The following EHMT1 variants were observed in gnomAD, a reference collection of about 807,000 sequenced individuals.
EHMT1 encodes the protein histone-lysine N-methyltransferase EHMT1.
Under a neutral mutation model 147.2 loss-of-function variants are expected in EHMT1, and 15 were observed. The ratio of observed to expected loss-of-function variants is 0.10; its 90% CI spans 0.07 to 0.16. The LOEUF is 0.16. Among genes scored for constraint, EHMT1 ranks in the 10% least tolerant of loss-of-function variants. The pLI is 1.00. For synonymous variants in EHMT1, 795 were observed against 709.6 expected (o/e 1.12, Z -1.91); for missense variants, 1,587 against 1,772.4 (o/e 0.90, Z 1.88).
chr9:137,819,667 T>G, intron 25 of EHMT1, among the ~76,000 whole-genome samples: 1 of 144,090 alleles, frequency 6.9e-6, no homozygotes, highest in Admixed American at 7.0e-5. Flanking sequence ...GGGGGCGCCG[T>G]GTGCCGAGAC....
intron 25 of EHMT1, among the ~76,000 whole-genome samples, chr9:137,822,267 T>C (rs1955477828): frequency 6.6e-6 from 1 of 152,266 alleles, no homozygotes; most frequent in South Asian, 2.1e-4. Flanking sequence ...CCTGCTGGTT[T>C]ATGCCTGCTT....
intron 1 of EHMT1, among the ~76,000 whole-genome samples, chr9:137,625,485 G>A (rs773036754): frequency 1.3e-5 from 2 of 151,880 alleles, no homozygotes; most frequent in African/African-American, 2.4e-5. Context: ...CTACAGGCAC[G>A]TGCTACCATG....
At chr9:137,745,952 T>G (rs1183223522) in intron 6 of EHMT1, 1 of 172,332 alleles carries the variant, frequency 5.8e-6, no homozygotes, top group Non-Finnish European at 1.2e-5. Context: ...CCACCAGTGT[T>G]TGTTCCTCTG....
chr9:137,682,907 G>A (rs557975174), intron 1 of EHMT1, among the ~76,000 whole-genome samples: 20 of 152,324 alleles, frequency 1.3e-4, no homozygotes, highest in African/African-American at 3.8e-4. Flanking sequence ...GCCTGCAGGG[G>A]CTGCCCTGCA....
At chr9:137,768,839 C>T (rs112098567) in intron 10 of EHMT1, among the ~76,000 whole-genome samples, 7,429 of 151,962 alleles carry the variant, frequency 0.049, 600 homozygotes, top group African/African-American at 0.17. Flanking sequence ...CGTGAGCCAC[C>T]GCGCCCAGCC....
chr9:137,681,790 C>T (rs1941965205), intron 1 of EHMT1, among the ~76,000 whole-genome samples: 1 of 152,172 alleles, frequency 6.6e-6, no homozygotes, highest in Admixed American at 6.5e-5. Flanking sequence ...CTGACTTTTG[C>T]TAAGTCCATG....
chr9:137,818,232 C>A, intron 25 of EHMT1, 94 bp downstream of exon 25: 2 of 1,392,534 alleles, frequency 1.4e-6, no homozygotes, highest in Non-Finnish European at 2.0e-6. Context: ...CAGAAGAGAG[C>A]TCTTACTGTT....
Position 137,782,351 on chromosome 9 carries a change from C to T in EHMT1, c.2336C>T (p.Ala779Val). 6.2e-7 allele frequency: 1 copy of T among 1,613,048 alleles called. No homozygotes were observed. The highest frequency in any genetic ancestry group is 8.5e-7 in the Non-Finnish European group (1 of 1,179,934). The change falls in exon 15 of 27, where the codon GCC becomes GTC. Residue 779 changes from alanine to valine, a missense_variant. Physicochemically the swap from Ala to Val is moderately conservative, Grantham distance 64 (BLOSUM62 0). This residue lies in a region of EHMT1 where 201 missense variants were observed against 350.1 expected (regional missense o/e 0.57). Coordinates refer to ENST00000460843, the MANE Select transcript of EHMT1 (RefSeq NM_024757.5). The surrounding 1 kb of genome is among the most constrained non-coding windows in gnomAD (Gnocchi z 5.7). ...CAGAATAAGCGCTCTCCACTGCACG[C>T]CGCGGCAGAGGCTGGACACGTGGAC... is the stretch of plus-strand genomic sequence containing the variant. ...EHQNKRSPLH[A>V]AAEAGHVDIC...
In EHMT1 at chr9:137,813,379, A is replaced by G. The variant is rs1479166627; in HGVS notation, c.3036-7A>G. The G allele has an allele frequency of 2.5e-6, 4 of 1,609,514 alleles. No homozygotes were observed. The highest frequency in any genetic ancestry group is 1.3e-5 in the African/African-American group (1 of 74,960). Reference sequence around the variant, plus strand: ...CCACCAGGTGACACCTGTCCTTTCCATGGCAGGGACATCGCTCGAGGCTAC... The same window carrying G: ...CCACCAGGTGACACCTGTCCTTTCCGTGGCAGGGACATCGCTCGAGGCTAC... On this transcript the variant is annotated splice_polypyrimidine_tract_variant and splice_region_variant and intron_variant, in intron 20 of 26. Transcript: ENST00000460843. The surrounding 1 kb of genome is among the most constrained non-coding windows in gnomAD (Gnocchi z 4.9).
intron 10 of EHMT1, chr9:137,763,360 CT>C: frequency 5.1e-6 from 1 of 194,252 alleles, no homozygotes; most frequent in Non-Finnish European, 1.1e-5. Context: ...TTCTCCAGTT[CT>C]TTTTAACACG....
At chr9:137,724,179 G>A (rs1946363303) in intron 3 of EHMT1, among the ~76,000 whole-genome samples, 1 of 152,204 alleles carries the variant, frequency 6.6e-6, no homozygotes, top group African/African-American at 2.4e-5. Context: ...GGTGGTGCCT[G>A]TTGGTCTGCA....
chr9:137,787,839 G>T lies in EHMT1; in HGVS notation c.2383-3009G>T. 9.8e-7 allele frequency: 1 copy of T among 1,022,894 alleles called. No homozygotes were observed. The highest frequency in any genetic ancestry group is 1.6e-6 in the Non-Finnish European group (1 of 644,276). The allele number at this position is 1,022,894 out of a possible 1,614,324, so 63.4% of individuals were successfully genotyped here. On this transcript the variant is annotated intron_variant, in intron 15 of 26. Transcript: ENST00000460843. The surrounding 1 kb of genome is among the most constrained non-coding windows in gnomAD (Gnocchi z 4.2). ...GGCCACCCCCCAGTAGGCAGAGCTG[G>T]TTGACGGTGGACATTGGGGATAGGA...
At chr9:137,774,493 G>A (rs1273898225) in intron 10 of EHMT1, among the ~76,000 whole-genome samples, 3 of 130,122 alleles carry the variant, frequency 2.3e-5, no homozygotes, top group African/African-American at 2.9e-5. Flanking sequence ...GATCTGGTGG[G>A]TATGGTCGCG....
chr9:137,717,119 C>A lies in EHMT1; in HGVS notation c.579C>A (p.Ala193=). ...ACACAGAGGACAGGAAGCTCCCGGCCCCTGGCGCCGACGTCAAGGTCCACA... is the reference window on the plus strand; with the variant it reads ...ACACAGAGGACAGGAAGCTCCCGGCACCTGGCGCCGACGTCAAGGTCCACA... ...SADTEDRKLP[A]PGADVKVHRA... Residue 193 remains alanine, a synonymous_variant, in exon 3 of 27, where the codon GCC becomes GCA. Coordinates refer to ENST00000460843, the MANE Select transcript of EHMT1 (RefSeq NM_024757.5). The A allele has an allele frequency of 6.2e-7, 1 of 1,612,576 alleles. No homozygotes were observed. Among genetic ancestry groups the A allele is most frequent in the Non-Finnish European group, 8.5e-7 (1 of 1,179,938 alleles).
chr9:137,622,316 C>T (rs1842986498), intron 1 of EHMT1, among the ~76,000 whole-genome samples: 1 of 152,024 alleles, frequency 6.6e-6, no homozygotes, highest in Non-Finnish European at 1.5e-5. Flanking sequence ...ATGGGGGTTT[C>T]ACCATGTTGG....
chr9:137,825,436 C>G (rs1955744814), intron 25 of EHMT1, among the ~76,000 whole-genome samples: 2 of 152,146 alleles, frequency 1.3e-5, no homozygotes, highest in Admixed American at 1.3e-4. Context: ...CATTTCCTGG[C>G]TGGGTCATGT....
At chr9:137,719,628 C>A (rs1357108091) in intron 3 of EHMT1, among the ~76,000 whole-genome samples, 1 of 152,218 alleles carries the variant, frequency 6.6e-6, no homozygotes, top group East Asian at 1.9e-4. Flanking sequence ...AAAAACCTTT[C>A]ACCAAGCTTC....
At chr9:137,740,199 C>T (rs1162936474) in intron 4 of EHMT1, among the ~76,000 whole-genome samples, 1 of 152,164 alleles carries the variant, frequency 6.6e-6, no homozygotes, top group Non-Finnish European at 1.5e-5. Context: ...CCCATTTCCA[C>T]TCCTGGCACT....
chr9:137,761,788 A>G (rs747096430), intron 9 of EHMT1, among the ~76,000 whole-genome samples: 12 of 152,252 alleles, frequency 7.9e-5, no homozygotes, highest in Non-Finnish European at 1.3e-4. Flanking sequence ...AAGAGAGGTA[A>G]TAGTGAGTAT....
Sources: allele counts gnomAD v4.1 joint callset (sites outside exome capture counted in the v4.1 genomes callset), GRCh38; gene constraint gnomAD v4.1.1; regional missense constraint gnomAD v4.1.1; non-coding constraint Gnocchi (gnomAD v3.1); transcripts MANE v1.5; gene names NCBI Gene and HGNC (gene_info 2026-07-23, HGNC 2026-07-21).